FSTL4: variants seen among roughly 807,000 people sequenced by gnomAD.
FSTL4 encodes follistatin-related protein 4.
In FSTL4, 28 loss-of-function variants were observed where a neutral mutation model predicts 78.2. That is an observed-to-expected ratio of 0.36 (90% confidence interval 0.27 to 0.49). The LOEUF is 0.49. FSTL4 is among the 20% of genes least tolerant of loss of function. The probability of loss-of-function intolerance (pLI) is 0.98; values close to 1 mark genes in which losing one functional copy is unlikely to be tolerated. For synonymous variants in FSTL4, 422 were observed against 440.5 expected (o/e 0.96, Z 0.53); for missense variants, 922 against 1,084.9 (o/e 0.85, Z 2.11).
At chr5:133,799,078 A>G in the FSTL4 span, among the ~76,000 whole-genome samples, 1 of 134,902 alleles carries the variant, frequency 7.4e-6, no homozygotes, top group Non-Finnish European at 1.7e-5. Context: ...GAGGAAAGGA[A>G]AGAAGGAGGG....
At chr5:133,258,197 C>T (rs1176950290) in intron 6 of FSTL4, among the ~76,000 whole-genome samples, 2 of 152,160 alleles carry the variant, frequency 1.3e-5, no homozygotes, top group Non-Finnish European at 2.9e-5. Flanking sequence ...TAGGAGGTGA[C>T]CAAGCCTGGC....
intron 3 of FSTL4, among the ~76,000 whole-genome samples, chr5:133,459,003 G>A (rs1043877694): frequency 2.0e-5 from 3 of 152,100 alleles, no homozygotes; most frequent in Non-Finnish European, 4.4e-5. Context: ...GGCTGGTGCT[G>A]ATGGATGGCT....
the FSTL4 span, among the ~76,000 whole-genome samples, chr5:133,681,976 T>A: frequency 6.6e-6 from 1 of 152,168 alleles, no homozygotes; most frequent in Non-Finnish European, 1.5e-5. Flanking sequence ...TTGCTGGTGG[T>A]TCCACAGTGG....
At chr5:133,641,226 C>T in the FSTL4 span, among the ~76,000 whole-genome samples, 1 of 150,648 alleles carries the variant, frequency 6.6e-6, no homozygotes, top group Admixed American at 6.6e-5. Flanking sequence ...ACACTGATAG[C>T]CTAAAAAACA....
chr5:133,220,665 C>A, intron 12 of FSTL4, 83 bp downstream of exon 12: 1 of 807,116 alleles, frequency 1.2e-6, no homozygotes, highest in South Asian at 1.5e-5. Context: ...TTTTAGAAAT[C>A]AAATGGCATG....
chr5:133,693,261 A>C, the FSTL4 span, among the ~76,000 whole-genome samples: 1 of 152,254 alleles, frequency 6.6e-6, no homozygotes, highest in Non-Finnish European at 1.5e-5. Context: ...GAAAACTTTT[A>C]AAGATGGGCC....
chr5:133,309,347 C>T lies in FSTL4; in HGVS notation c.727+3307G>A, dbSNP rs149758438. Among the ~76,000 whole-genome samples the T allele has an allele frequency of 1.5e-3, 235 of 152,238 alleles. 1 individual carries two copies. Among genetic ancestry groups the T allele is most frequent in the African/African-American group, 5.2e-3 (216 of 41,546 alleles). On this transcript the variant is annotated intron_variant, in intron 6 of 15. Coordinates refer to ENST00000265342, the MANE Select transcript of FSTL4 (RefSeq NM_015082.2). ...GGAAGCCAAAACAATGCAAAGAGAA[C>T]GTTTAGTTGACAAAAGGAGGAAGTG... is the stretch of plus-strand genomic sequence containing the variant.
intron 3 of FSTL4, among the ~76,000 whole-genome samples, chr5:133,441,313 C>T (rs1290579411): frequency 6.6e-6 from 1 of 152,162 alleles, no homozygotes; most frequent in African/African-American, 2.4e-5. Context: ...CATGAACTCC[C>T]AGCACTCCTG....
the FSTL4 span, among the ~76,000 whole-genome samples, chr5:133,625,675 TCATTTTCTAAGCTCTTG>T: frequency 7.1e-6 from 1 of 141,316 alleles, no homozygotes; most frequent in Non-Finnish European, 1.5e-5. Flanking sequence ...ATTTTAGTCT[TCATTTTCTAAGCTCTTG>T]AGGTGTGAGC....
intron 3 of FSTL4, among the ~76,000 whole-genome samples, chr5:133,528,929 T>C (rs1320601762): frequency 6.6e-6 from 1 of 152,200 alleles, no homozygotes; most frequent in Non-Finnish European, 1.5e-5. Flanking sequence ...TGATTAAGTC[T>C]CCTCCATGAG....
chr5:133,723,103 A>C, the FSTL4 span, among the ~76,000 whole-genome samples: 2 of 152,190 alleles, frequency 1.3e-5, no homozygotes, highest in Non-Finnish European at 2.9e-5. Flanking sequence ...CTGTGGAGCC[A>C]GGGTCTGGGT....
intron 6 of FSTL4, among the ~76,000 whole-genome samples, chr5:133,275,088 C>G (rs1259192292): frequency 6.6e-6 from 1 of 151,030 alleles, no homozygotes; most frequent in African/African-American, 2.4e-5. Flanking sequence ...ATGGTGAAAC[C>G]CTGTCTCTAC....
intron 3 of FSTL4, among the ~76,000 whole-genome samples, chr5:133,413,146 A>C (rs1444186394): frequency 4.6e-5 from 7 of 151,804 alleles, no homozygotes; most frequent in Non-Finnish European, 8.8e-5. Context: ...CAACACTTTA[A>C]CCCTCCCCAT....
At chr5:133,242,257 C>T (rs1751896722) in intron 7 of FSTL4, among the ~76,000 whole-genome samples, 1 of 152,194 alleles carries the variant, frequency 6.6e-6, no homozygotes, top group African/African-American at 2.4e-5. Flanking sequence ...GCAGGACCTC[C>T]TGGTGACTCC....
At chr5:133,491,401 C>CTTTT (rs754185647) in intron 3 of FSTL4, among the ~76,000 whole-genome samples, 2 of 137,910 alleles carry the variant, frequency 1.5e-5, no homozygotes, top group African/African-American at 2.6e-5. Flanking sequence ...ACAATTTTTT[C>CTTTT]TTTTTTTTTT....
chr5:133,325,155 C>G (rs1754174637), intron 4 of FSTL4, among the ~76,000 whole-genome samples: 1 of 152,186 alleles, frequency 6.6e-6, no homozygotes. Flanking sequence ...TGTGAAGAGG[C>G]CAGCTGAGCG....
intron 4 of FSTL4, among the ~76,000 whole-genome samples, chr5:133,339,024 G>C (rs1429106366): frequency 6.6e-6 from 1 of 152,160 alleles, no homozygotes; most frequent in Non-Finnish European, 1.5e-5. Flanking sequence ...CCTTCGGGCT[G>C]GAGCCAGGCA....
the FSTL4 span, among the ~76,000 whole-genome samples, chr5:133,817,126 CGCTGTGTTAA>C: frequency 1.3e-5 from 2 of 152,252 alleles, no homozygotes; most frequent in African/African-American, 4.8e-5. Flanking sequence ...TTCACTACCC[CGCTGTGTTAA>C]GCTTTTCACT....
Position 133,228,620 on chromosome 5 carries a change from A to G in FSTL4, c.1016-2801T>C, listed in dbSNP as rs531892328. Reference sequence around the variant, plus strand: ...CTAACTATTAGGAAATCTACCATTAATCATTCCAAAGTCAAGGAGAAAAAC... The same window carrying G: ...CTAACTATTAGGAAATCTACCATTAGTCATTCCAAAGTCAAGGAGAAAAAC... On this transcript the variant is annotated intron_variant, in intron 8 of 15. Coordinates refer to ENST00000265342, the MANE Select transcript of FSTL4 (RefSeq NM_015082.2). Among the ~76,000 whole-genome samples, 5 of 152,378 alleles carry G rather than the reference A, an allele frequency of 3.3e-5. No homozygotes were observed. In the East Asian group the frequency reaches 9.6e-4, roughly 29 times the overall value.
Sources: allele counts gnomAD v4.1 joint callset (sites outside exome capture counted in the v4.1 genomes callset), GRCh38; gene constraint gnomAD v4.1.1; transcripts MANE v1.5; gene names NCBI Gene and HGNC (gene_info 2026-07-23, HGNC 2026-07-21).